EPB41: variants seen among roughly 807,000 people sequenced by gnomAD.
EPB41 encodes the protein erythrocyte membrane protein band 4.1.
A neutral mutation model predicts 108.0 loss-of-function variants in EPB41; 65 were observed. The observed-to-expected ratio is 0.60, with a 90% CI of 0.49 to 0.74. The LOEUF (loss-of-function observed/expected upper bound fraction) is 0.74, where lower values mean the gene tolerates loss of function less well. Ranked by LOEUF, EPB41 falls within the 30% of genes least tolerant of loss-of-function variation. EPB41 has a pLI of 0.00. For missense variants in EPB41, 875 were observed against 1,037.0 expected (o/e 0.84, Z 2.15); for synonymous variants, 336 against 358.9 (o/e 0.94, Z 0.72).
At chr1:28,917,820 C>G (rs866087767) in intron 1 of EPB41, among the ~76,000 whole-genome samples, 2 of 151,388 alleles carry the variant, frequency 1.3e-5, no homozygotes, top group African/African-American at 4.9e-5. Flanking sequence ...GTCTCAAACT[C>G]CTGAGCTCAA....
chr1:29,025,219 C>T (rs187460821), intron 7 of EPB41, among the ~76,000 whole-genome samples: 44 of 152,158 alleles, frequency 2.9e-4, no homozygotes, highest in African/African-American at 1.1e-3. Flanking sequence ...TTGTCCCCCA[C>T]TTAATTCTTT....
chr1:29,027,099 A>G (rs2096728940), intron 7 of EPB41, among the ~76,000 whole-genome samples: 1 of 151,998 alleles, frequency 6.6e-6, no homozygotes, highest in African/African-American at 2.4e-5. Flanking sequence ...CTCAAAAAAA[A>G]AAAAAAAATT....
intron 1 of EPB41, among the ~76,000 whole-genome samples, chr1:28,899,309 ACTT>A (rs1374646854): frequency 6.6e-6 from 1 of 152,044 alleles, no homozygotes; most frequent in African/African-American, 2.4e-5. Context: ...CCTCTTAAAA[ACTT>A]CTTCTGCCCT....
intron 16 of EPB41, among the ~76,000 whole-genome samples, chr1:29,083,663 C>T (rs1474661819): frequency 6.6e-6 from 1 of 152,088 alleles, no homozygotes; most frequent in African/African-American, 2.4e-5. Context: ...AATCATCAGG[C>T]TAATGTGCCT....
At chr1:28,977,956 C>CA (rs1557886903) in intron 1 of EPB41, among the ~76,000 whole-genome samples, 2 of 145,086 alleles carry the variant, frequency 1.4e-5, no homozygotes, top group African/African-American at 5.1e-5. Context: ...TTTATATTCT[C>CA]TTTTTTTTTT....
Position 29,035,914 on chromosome 1 carries a change from C to A in EPB41, c.1454C>A (p.Thr485Lys). ...TGGAAAGTCTGTGTAGAACATCACA[C>A]GTTTTTCAGGTATTATTCTCACTTA... Reference protein sequence around the residue: ...KLWKVCVEHHTFFRLTSTDTI... With the variant: ...KLWKVCVEHHKFFRLTSTDTI... The change falls in exon 10 of 21, where the codon ACG (threonine) becomes AAG (lysine). Residue 485 changes from threonine (T) to lysine (K), a missense_variant. Thr to Lys is a moderately conservative substitution (Grantham distance 78). This residue lies in a region of EPB41 where 519 missense variants were observed against 627.3 expected (regional missense o/e 0.83). Transcript: ENST00000343067. The A allele has an allele frequency of 2.5e-6, 4 of 1,609,142 alleles. No homozygotes were observed. Among genetic ancestry groups the A allele is most frequent in the Non-Finnish European group, 3.4e-6 (4 of 1,175,544 alleles).
intron 1 of EPB41, among the ~76,000 whole-genome samples, chr1:28,963,344 C>CGTGTGTGTGTGT (rs57558766): frequency 4.0e-4 from 58 of 146,318 alleles, no homozygotes; most frequent in African/African-American, 1.1e-3. Flanking sequence ...AAATCAGAAT[C>CGTGTGTGTGTGT]GTGTGTGTGT....
In EPB41 at chr1:29,117,474, T is replaced by G. The variant is rs1171292023; in HGVS notation, c.*662T>G. On this transcript the variant is annotated 3_prime_UTR_variant, in exon 21 of 21. Transcript: ENST00000343067. ...TCCCTCCTGCTTTCTTTTTGGAGCT[T>G]CTTTGGGTCAAAGACATGGAAGTTG... 1.3e-5 allele frequency: 2 copies of G among 152,730 alleles called. No homozygotes were observed. Among genetic ancestry groups the G allele is most frequent in the African/African-American group, 4.8e-5 (2 of 41,466 alleles). The allele number at this position is 152,730 out of a possible 1,614,324, so 9.5% of individuals were successfully genotyped here.
intron 16 of EPB41, among the ~76,000 whole-genome samples, chr1:29,080,176 T>G (rs1041193808): frequency 2.0e-5 from 3 of 151,458 alleles, no homozygotes; most frequent in Non-Finnish European, 2.9e-5. Flanking sequence ...CAAAGTGCAG[T>G]GGCGCAATCT....
At chr1:28,992,941 A>C (rs1192850130) in intron 2 of EPB41, among the ~76,000 whole-genome samples, 1 of 152,248 alleles carries the variant, frequency 6.6e-6, no homozygotes, top group African/African-American at 2.4e-5. Flanking sequence ...AACAAGTCAC[A>C]TCTTATTTTG....
chr1:29,086,441 T>C (rs1398427947), intron 16 of EPB41, among the ~76,000 whole-genome samples: 17 of 151,950 alleles, frequency 1.1e-4, no homozygotes, highest in Admixed American at 1.1e-3. Flanking sequence ...ACCCAGCTAA[T>C]TTTTGTATTT....
chr1:28,972,677 G>A (rs1410234446), intron 1 of EPB41, among the ~76,000 whole-genome samples: 1 of 151,440 alleles, frequency 6.6e-6, no homozygotes, highest in Non-Finnish European at 1.5e-5. Context: ...ATGATTCACC[G>A]CAGCCTCCAA....
chr1:29,078,703 A>C (rs978376896), intron 16 of EPB41, among the ~76,000 whole-genome samples: 2 of 152,160 alleles, frequency 1.3e-5, no homozygotes, highest in African/African-American at 4.8e-5. Context: ...AGCTATAATC[A>C]TGCCACTGTA....
At chr1:28,893,164 C>T (rs1288357871) in intron 1 of EPB41, among the ~76,000 whole-genome samples, 3 of 152,056 alleles carry the variant, frequency 2.0e-5, no homozygotes, top group Non-Finnish European at 2.9e-5. Flanking sequence ...TCACTTCAGC[C>T]TTGACCTCCT....
intron 1 of EPB41, among the ~76,000 whole-genome samples, chr1:28,890,407 C>T (rs2089993067): frequency 6.6e-6 from 1 of 152,118 alleles, no homozygotes; most frequent in East Asian, 1.9e-4. Flanking sequence ...ACTTTGCTCC[C>T]TGGGTTTCAG....
At chr1:28,916,261 A>G (rs1570489627) in intron 1 of EPB41, among the ~76,000 whole-genome samples, 1 of 152,252 alleles carries the variant, frequency 6.6e-6, no homozygotes, top group African/African-American at 2.4e-5. Flanking sequence ...TGTGCTTTCT[A>G]TAAGAAGCTT....
Position 29,018,224 on chromosome 1 carries a change from A to C in EPB41, c.906A>C (p.Arg302Ser). 1 of 1,612,178 alleles carries C rather than the reference A, an allele frequency of 6.2e-7. No homozygotes were observed. ...DPAQLTEDIT[R>S]YYLCLQLRQD... ...TAACATTTTTCTCTTTTGGCTGTAG[A>C]TATTATTTATGTCTTCAGCTTCGGC... Residue 302 changes from arginine to serine, a missense_variant and splice_region_variant, in exon 7 of 21, where the codon AGA becomes AGC. By Grantham distance (110) the Arg-to-Ser change is moderately radical. Coordinates refer to ENST00000343067, the MANE Select transcript of EPB41 (RefSeq NM_001376013.1). The surrounding 1 kb of genome is among the most constrained non-coding windows in gnomAD (Gnocchi z 4.4).
chr1:29,053,402 T>G, intron 12 of EPB41, 90 bp downstream of exon 12: 1 of 1,302,888 alleles, frequency 7.7e-7, no homozygotes, highest in Non-Finnish European at 1.1e-6. Flanking sequence ...AGCAATTGCT[T>G]ATTCTCATAG....
intron 4 of EPB41, among the ~76,000 whole-genome samples, chr1:29,001,456 T>C (rs1394643761): frequency 2.0e-5 from 3 of 152,218 alleles, no homozygotes; most frequent in African/African-American, 7.2e-5. Flanking sequence ...TTTGCCTCTT[T>C]CCTGTGATGT....
Sources: allele counts gnomAD v4.1 joint callset (sites outside exome capture counted in the v4.1 genomes callset), GRCh38; gene constraint gnomAD v4.1.1; regional missense constraint gnomAD v4.1.1; non-coding constraint Gnocchi (gnomAD v3.1); transcripts MANE v1.5; gene names NCBI Gene and HGNC (gene_info 2026-07-23, HGNC 2026-07-21).